The following ANKS1B variants were observed in gnomAD, a reference collection of about 807,000 sequenced individuals.
ANKS1B encodes ankyrin repeat and sterile alpha motif domain containing 1B, also known as ankyrin repeat and sterile alpha motif domain-containing protein 1B.
Under a neutral mutation model 148.3 loss-of-function variants are expected in ANKS1B, and 36 were observed. That is an observed-to-expected ratio of 0.24 (90% CI 0.19 to 0.32). The LOEUF (loss-of-function observed/expected upper bound fraction) is 0.32, where lower values mean the gene tolerates loss of function less well. ANKS1B is among the 10% of genes least tolerant of loss of function. The pLI, the probability that ANKS1B is intolerant of heterozygous loss-of-function variation, is 1.00. For missense variants in ANKS1B, 1,157 were observed against 1,542.6 expected, an observed-to-expected ratio of 0.75 and a Z score of 4.19; for synonymous variants, 542 against 560.8, an observed-to-expected ratio of 0.97 and a Z score of 0.47.
At chr12:99,034,873 T>C (rs1233604428) in intron 17 of ANKS1B, among the ~76,000 whole-genome samples, 1 of 152,080 alleles carries the variant, frequency 6.6e-6, no homozygotes, top group Non-Finnish European at 1.5e-5. Flanking sequence ...GGAGGAGATT[T>C]AGGGTTATAA....
intron 1 of ANKS1B, among the ~76,000 whole-genome samples, chr12:99,970,429 AGTT>A (rs1047157310): frequency 9.2e-5 from 14 of 152,224 alleles, no homozygotes; most frequent in African/African-American, 3.1e-4. Flanking sequence ...TTAAGAAAAA[AGTT>A]GTTTTTAGCA....
intron 22 of ANKS1B, among the ~76,000 whole-genome samples, chr12:98,786,464 G>T (rs1473650100): frequency 6.6e-6 from 1 of 152,098 alleles, no homozygotes; most frequent in African/African-American, 2.4e-5. Context: ...CCAAGAGAAA[G>T]AAATAACCAT....
chr12:98,766,005 G>C (rs566919773), intron 25 of ANKS1B, among the ~76,000 whole-genome samples: 17 of 152,372 alleles, frequency 1.1e-4, no homozygotes, highest in African/African-American at 3.6e-4. Context: ...CAGTTATTTA[G>C]AAGTGGGGGG....
chr12:99,850,699 T>G (rs1437844481), intron 1 of ANKS1B, among the ~76,000 whole-genome samples: 1 of 152,076 alleles, frequency 6.6e-6, no homozygotes, highest in East Asian at 1.9e-4. Flanking sequence ...ATGAAAAGAT[T>G]AAATTTGCTT....
chr12:99,508,396 T>G (rs1358226944), intron 9 of ANKS1B, among the ~76,000 whole-genome samples: 3 of 151,826 alleles, frequency 2.0e-5, no homozygotes, highest in Non-Finnish European at 2.9e-5. Context: ...ATAATGAGAA[T>G]GGAAATTGTA....
intron 2 of ANKS1B, among the ~76,000 whole-genome samples, chr12:99,814,686 A>G (rs1255714874): frequency 6.6e-6 from 1 of 151,796 alleles, no homozygotes; most frequent in Non-Finnish European, 1.5e-5. Context: ...GAGGAAATTA[A>G]GTAACCTCTG....
intron 9 of ANKS1B, among the ~76,000 whole-genome samples, chr12:99,583,775 T>C (rs980526635): frequency 1.3e-5 from 2 of 152,208 alleles, no homozygotes; most frequent in African/African-American, 4.8e-5. Context: ...ATATTCCATA[T>C]GGTAGGATAA....
At chr12:99,943,424 A>T (rs1267024638) in intron 1 of ANKS1B, among the ~76,000 whole-genome samples, 1 of 152,150 alleles carries the variant, frequency 6.6e-6, no homozygotes, top group African/African-American at 2.4e-5. Flanking sequence ...TGTATTAGTC[A>T]GTTCTCACGC....
intron 16 of ANKS1B, among the ~76,000 whole-genome samples, chr12:99,060,518 T>C (rs2042042737): frequency 1.3e-5 from 2 of 152,126 alleles, no homozygotes; most frequent in South Asian, 4.1e-4. Context: ...ACCACGAATC[T>C]AGAAGACTTT....
chr12:99,920,536 C>T (rs969955119), intron 1 of ANKS1B, among the ~76,000 whole-genome samples: 3 of 151,650 alleles, frequency 2.0e-5, no homozygotes, highest in Non-Finnish European at 4.4e-5. Context: ...GGAGAACTGA[C>T]TCACAAGATT....
chr12:99,680,039 C>T (rs1026659621), intron 8 of ANKS1B, among the ~76,000 whole-genome samples: 2 of 152,210 alleles, frequency 1.3e-5, no homozygotes, highest in Non-Finnish European at 2.9e-5. Context: ...GAAAATCTGC[C>T]TCCAAACACA....
At chr12:98,799,557 T>C (rs969042157) in intron 21 of ANKS1B, among the ~76,000 whole-genome samples, 1 of 151,070 alleles carries the variant, frequency 6.6e-6, no homozygotes, top group Non-Finnish European at 1.5e-5. Context: ...AGAGGCATTC[T>C]CAGTTGTTTC....
At chr12:99,621,511 C>T (rs2098050174) in intron 9 of ANKS1B, among the ~76,000 whole-genome samples, 1 of 147,936 alleles carries the variant, frequency 6.8e-6, no homozygotes, top group Admixed American at 6.8e-5. Context: ...TCAAGAGAGA[C>T]ATCTTACACA....
intron 12 of ANKS1B, among the ~76,000 whole-genome samples, chr12:99,272,420 T>C (rs1482877239): frequency 6.6e-6 from 1 of 152,196 alleles, no homozygotes; most frequent in Non-Finnish European, 1.5e-5. Context: ...TCTCCCTGCT[T>C]AGACAATAAT....
intron 15 of ANKS1B, among the ~76,000 whole-genome samples, chr12:99,085,865 G>A (rs1054900559): frequency 1.3e-5 from 2 of 152,164 alleles, no homozygotes; most frequent in African/African-American, 2.4e-5. Flanking sequence ...CTGTTGGAGG[G>A]TGGAGGATGG....
chr12:99,289,809 CA>C (rs2079666389), intron 12 of ANKS1B, among the ~76,000 whole-genome samples: 1 of 151,750 alleles, frequency 6.6e-6, no homozygotes, highest in East Asian at 1.9e-4. Context: ...GTTCCTACAT[CA>C]AAAAAGTAGA....
At chr12:99,963,851 T>C (rs1012295815) in intron 1 of ANKS1B, among the ~76,000 whole-genome samples, 3 of 152,220 alleles carry the variant, frequency 2.0e-5, no homozygotes, top group African/African-American at 7.2e-5. Context: ...TTAAAAATCA[T>C]AGTGGGAATA....
intron 17 of ANKS1B, among the ~76,000 whole-genome samples, chr12:98,852,620 C>T (rs192912587): frequency 1.3e-4 from 20 of 152,226 alleles, no homozygotes; most frequent in East Asian, 3.9e-4. Flanking sequence ...TTAATCCCCA[C>T]GGACTATGAG....
chr12:98,885,114 TA>T (rs2099736431), intron 17 of ANKS1B, among the ~76,000 whole-genome samples: 1 of 152,182 alleles, frequency 6.6e-6, no homozygotes, highest in Non-Finnish European at 1.5e-5. Flanking sequence ...GTTCCATCTC[TA>T]AAATATACAT....
Sources: allele counts gnomAD v4.1 joint callset (sites outside exome capture counted in the v4.1 genomes callset), GRCh38; gene constraint gnomAD v4.1.1; transcripts MANE v1.5; gene names NCBI Gene and HGNC (gene_info 2026-07-23, HGNC 2026-07-21).